The following TET2 variants were observed in gnomAD, a reference collection of about 807,000 sequenced individuals.
TET2 encodes methylcytosine dioxygenase TET2.
Under a neutral mutation model 142.9 loss-of-function variants are expected in TET2, and 299 were observed. The observed-to-expected ratio is 2.09, with a 90% CI of 1.90 to 2.30. The LOEUF is 2.30. TET2 is among the 30% of genes most tolerant of loss of function. TET2 has a pLI of 0.00. For missense variants in TET2, 2,418 were observed against 2,378.0 expected, an observed-to-expected ratio of 1.02 and a Z score of -0.35; for synonymous variants, 819 against 849.0, an observed-to-expected ratio of 0.96 and a Z score of 0.61.
chr4:105,259,499 A>T, intron 6 of TET2, 120 bp from the exon 7 acceptor site: 1 of 931,554 alleles, frequency 1.1e-6, no homozygotes, highest in Non-Finnish European at 1.6e-6. Flanking sequence ...GCCACAGCTT[A>T]ATACAGAGTT....
chr4:105,255,716 T>A (rs1730090489), intron 6 of TET2, among the ~76,000 whole-genome samples: 1 of 152,156 alleles, frequency 6.6e-6, no homozygotes, highest in Admixed American at 6.5e-5. Flanking sequence ...AATGTGTATA[T>A]CTTGTAGATA....
chr4:105,275,282 GCACC>G lies in TET2; in HGVS notation c.4773_4776del (p.Ser1591ArgfsTer4), dbSNP rs1731151642. 6.4e-7 allele frequency: 1 copy of G among 1,552,088 alleles called. No individual in the cohort carries two copies. ...TCACACACTTCAGATATCTATGGAA[GCACC>G]AGCCCTATGAACTTCTATTCCACCT... On this transcript the variant is annotated frameshift_variant, in exon 11 of 11. Transcript: ENST00000380013. LOFTEE classifies it low-confidence loss of function (END_TRUNC).
chr4:105,229,109 T>A (rs555127171), intron 2 of TET2, among the ~76,000 whole-genome samples: 24 of 152,346 alleles, frequency 1.6e-4, no homozygotes, highest in African/African-American at 5.0e-4. Context: ...TGTGTTTTTT[T>A]AACACTAAAT....
At position 105,227,066 on chromosome 4, in the gene TET2, G is replaced by C. The variant is rs187512611; in HGVS notation, c.-46-6831G>C. 1.9e-3 allele frequency among the ~76,000 whole-genome samples: 291 copies of C among 152,248 alleles called. 3 individuals are homozygous for C. Among genetic ancestry groups the C allele is most frequent in the East Asian group, 9.8e-3 (51 of 5,184 alleles). On this transcript the variant is annotated intron_variant, in intron 2 of 10. Transcript: ENST00000380013. ...AACAGTGCTTAGAACCAGTTCTCAA[G>C]AGCACATTGTGAAACTTTCAGGAAT...
At chr4:105,146,445 G>C (rs549647484), upstream of TET2, 1 of 152,414 alleles carries the variant, frequency 6.6e-6, no homozygotes, top group African/African-American at 2.4e-5. Flanking sequence ...GCGCTGGTCC[G>C]GGCGCACCAC....
intron 2 of TET2, among the ~76,000 whole-genome samples, chr4:105,208,555 A>C (rs565620557): frequency 1.3e-5 from 2 of 152,266 alleles, no homozygotes; most frequent in Non-Finnish European, 2.9e-5. Flanking sequence ...ACAAGTTAAA[A>C]AATTTAATTA....
At chr4:105,157,216 T>C (rs1412337495) in intron 1 of TET2, among the ~76,000 whole-genome samples, 1 of 152,096 alleles carries the variant, frequency 6.6e-6, no homozygotes, top group East Asian at 1.9e-4. Context: ...CCTATTTTAA[T>C]GTACCAAATG....
chr4:105,222,802 G>A (rs1262254292), intron 2 of TET2, among the ~76,000 whole-genome samples: 3 of 151,648 alleles, frequency 2.0e-5, no homozygotes, highest in Admixed American at 6.6e-5. Flanking sequence ...TGCCTATGTC[G>A]TGAATGGTGT....
intron 6 of TET2, among the ~76,000 whole-genome samples, chr4:105,250,136 C>A (rs184071177): frequency 9.7e-4 from 148 of 152,148 alleles, no homozygotes; most frequent in African/African-American, 3.4e-3. Context: ...TTCTCAGCAC[C>A]ATTTGTTAAA....
Position 105,237,288 on chromosome 4 carries a change from AT to A in TET2, c.3347del (p.Ile1116LysfsTer21). 6.2e-7 allele frequency: 1 copy of A among 1,614,184 alleles called. No homozygotes were observed. Among genetic ancestry groups the A allele is most frequent in the Non-Finnish European group, 8.5e-7 (1 of 1,180,008 alleles). ...ACCTTCCAAATTACTAGATACTCCT[AT>A]AAAAAATTTATTGGATACACCTGTC... ...ESPSKLLDTP[I>X]KNLLDTPVKT... is the part of the protein sequence containing the mutation. On this transcript the variant is annotated frameshift_variant, in exon 3 of 11. Transcript: ENST00000380013. LOFTEE classifies it high-confidence loss of function.
intron 2 of TET2, among the ~76,000 whole-genome samples, chr4:105,192,456 CAAAG>C (rs771359717): frequency 6.6e-5 from 10 of 152,136 alleles, no homozygotes; most frequent in Non-Finnish European, 1.2e-4. Context: ...CTTTAAATGG[CAAAG>C]AAGAAAGTAG....
intron 8 of TET2, among the ~76,000 whole-genome samples, chr4:105,267,851 A>G (rs1442913674): frequency 1.3e-5 from 2 of 152,090 alleles, no homozygotes; most frequent in Non-Finnish European, 1.5e-5. Flanking sequence ...TTGAAAAGAC[A>G]TAACAGGAAA....
intron 10 of TET2, among the ~76,000 whole-genome samples, chr4:105,273,493 T>C (rs1397872126): frequency 6.6e-6 from 1 of 152,210 alleles, no homozygotes; most frequent in Non-Finnish European, 1.5e-5. Flanking sequence ...AACAAGACCT[T>C]GAATTTTGTT....
At chr4:105,245,825 G>A (rs950165538) in intron 6 of TET2, among the ~76,000 whole-genome samples, 5 of 152,190 alleles carry the variant, frequency 3.3e-5, no homozygotes, top group African/African-American at 9.6e-5. Flanking sequence ...TAGACTTGAC[G>A]GTTTGAGATT....
chr4:105,237,192 C>T lies in TET2; in HGVS notation c.3250C>T (p.Gln1084Ter). 1.9e-6 allele frequency: 3 copies of T among 1,614,124 alleles called. No individual in the cohort carries two copies. Among genetic ancestry groups the T allele is most frequent in the Non-Finnish European group, 2.5e-6 (3 of 1,180,012 alleles). The stretch of plus-strand genomic sequence containing the variant: ...TAGCCACACCCCAGCTTTAGAGCAG[C>T]AAACAACTTCTTCAGAAAAGACACC... The part of the protein sequence containing the change: ...LDSHTPALEQ[Q>*]TTSSEKTPTK... Residue 1084 changes from glutamine (Q) to a stop codon, truncating the protein, a stop_gained, in exon 3 of 11, where the codon CAA (glutamine) becomes TAA (stop). Coordinates refer to ENST00000380013, the MANE Select transcript of TET2 (RefSeq NM_001127208.3). LOFTEE classifies it high-confidence loss of function.
chr4:105,201,328 C>T (rs1432638639), intron 2 of TET2, among the ~76,000 whole-genome samples: 1 of 152,144 alleles, frequency 6.6e-6, no homozygotes, highest in Non-Finnish European at 1.5e-5. Flanking sequence ...TGGAGTGGTT[C>T]ACGCTTATAT....
chr4:105,237,080 TAC>T lies in TET2; in HGVS notation c.3139_3140del (p.Thr1047SerfsTer10). 1 of 1,614,178 alleles carries T rather than the reference TAC, an allele frequency of 6.2e-7. No individual in the cohort carries two copies. The highest frequency in any genetic ancestry group is 8.5e-7 in the Non-Finnish European group (1 of 1,180,016). On this transcript the variant is annotated frameshift_variant, in exon 3 of 11. Coordinates refer to ENST00000380013, the MANE Select transcript of TET2 (RefSeq NM_001127208.3). LOFTEE classifies it high-confidence loss of function. ...AGTCGTTATTTGACCATAAGGCTCT[TAC>T]TCTCAAATCACAGAAGCAAGTAAAA... ...AKSLFDHKAL[T>X]LKSQKQVKVE...
At chr4:105,183,155 T>A (rs1382648278) in intron 1 of TET2, among the ~76,000 whole-genome samples, 1 of 152,186 alleles carries the variant, frequency 6.6e-6, no homozygotes, top group African/African-American at 2.4e-5. Flanking sequence ...TTTAAATGGA[T>A]GCAATTAGCA....
chr4:105,241,671 C>G, intron 4 of TET2: 1 of 1,281,034 alleles, frequency 7.8e-7, no homozygotes, highest in African/African-American at 1.5e-5. Flanking sequence ...TGCCAGAAAA[C>G]CCAGGCATGA....
Sources: allele counts gnomAD v4.1 joint callset (sites outside exome capture counted in the v4.1 genomes callset), GRCh38; gene constraint gnomAD v4.1.1; transcripts MANE v1.5; gene names NCBI Gene and HGNC (gene_info 2026-07-23, HGNC 2026-07-21).